KCNK13: variants seen among roughly 807,000 people sequenced by gnomAD.
KCNK13 encodes the protein potassium channel subfamily K member 13.
A neutral mutation model predicts 23.4 loss-of-function variants in KCNK13; 12 were observed. That is an observed-to-expected ratio of 0.51 (90% CI 0.33 to 0.83). The LOEUF is 0.83. Ranked by LOEUF, KCNK13 falls within the 40% of genes least tolerant of loss-of-function variation. The pLI is 0.02. For synonymous variants in KCNK13, 231 were observed against 229.5 expected (o/e 1.01, Z -0.06); for missense variants, 463 against 556.3 (o/e 0.83, Z 1.69).
At position 90,071,358 on chromosome 14, in the gene KCNK13, A is replaced by G. The variant is rs187630382; in HGVS notation, c.334+8819A>G. 3.3e-4 allele frequency among the ~76,000 whole-genome samples: 50 copies of G among 152,244 alleles called. 1 individual carries two copies. Among genetic ancestry groups the G allele is most frequent in the African/African-American group, 1.2e-3 (49 of 41,550 alleles). ...CTTAAAGAGTCTCCAATTTATAACC[A>G]AAGAAACTTCTTCCTTTTCTCCTCT... On this transcript the variant is annotated intron_variant, in intron 1 of 1. Coordinates refer to ENST00000282146, the MANE Select transcript of KCNK13 (RefSeq NM_022054.4).
intron 1 of KCNK13, among the ~76,000 whole-genome samples, chr14:90,142,578 A>G (rs1329738971): frequency 6.6e-6 from 1 of 152,102 alleles, no homozygotes; most frequent in African/African-American, 2.4e-5. Context: ...TCGGCCTCCC[A>G]AAGTGCTGGG....
chr14:90,178,047 A>G (rs1054228600), intron 1 of KCNK13, among the ~76,000 whole-genome samples: 3 of 151,924 alleles, frequency 2.0e-5, no homozygotes, highest in African/African-American at 7.3e-5. Flanking sequence ...TCCACTTAAC[A>G]TTTTCACCAG....
intron 1 of KCNK13, among the ~76,000 whole-genome samples, chr14:90,174,257 C>T (rs1890397730): frequency 6.6e-6 from 1 of 152,092 alleles, no homozygotes; most frequent in African/African-American, 2.4e-5. Flanking sequence ...TTGCAGTGAG[C>T]CGAGATTGTG....
chr14:90,112,975 G>A (rs748813763), intron 1 of KCNK13, among the ~76,000 whole-genome samples: 3 of 150,476 alleles, frequency 2.0e-5, no homozygotes, highest in Non-Finnish European at 4.4e-5. Flanking sequence ...GGGCAGTGGT[G>A]TCATCACAGC....
chr14:90,111,074 C>T (rs1036704189), intron 1 of KCNK13, among the ~76,000 whole-genome samples: 31 of 152,024 alleles, frequency 2.0e-4, no homozygotes, highest in African/African-American at 7.5e-4. Context: ...CAGGAACTCC[C>T]TGCATTAGCC....
intron 1 of KCNK13, among the ~76,000 whole-genome samples, chr14:90,125,971 G>C (rs2140419702): frequency 6.6e-6 from 1 of 150,824 alleles, no homozygotes; most frequent in South Asian, 2.1e-4. Flanking sequence ...GTTGCAGTGA[G>C]CCATGATCAT....
intron 1 of KCNK13, among the ~76,000 whole-genome samples, chr14:90,085,817 T>C (rs1217786455): frequency 2.2e-5 from 3 of 138,786 alleles, no homozygotes; most frequent in Non-Finnish European, 4.5e-5. Context: ...TTATATTATA[T>C]ATTATATATT....
At chr14:90,177,383 TA>T (rs1890434531) in intron 1 of KCNK13, 2 of 152,208 alleles carry the variant, frequency 1.3e-5, no homozygotes, top group African/African-American at 4.8e-5. Flanking sequence ...TCATTTGTGT[TA>T]TCATCACCTC....
intron 1 of KCNK13, among the ~76,000 whole-genome samples, chr14:90,156,130 G>A (rs573736435): frequency 2.0e-4 from 30 of 150,936 alleles, no homozygotes; most frequent in Middle Eastern, 3.4e-3. Context: ...ACTTGAGCCC[G>A]GTAGGTCGAG....
chr14:90,139,072 G>A (rs1216104148), intron 1 of KCNK13, among the ~76,000 whole-genome samples: 1 of 152,180 alleles, frequency 6.6e-6, no homozygotes, highest in Non-Finnish European at 1.5e-5. Context: ...AGAATCACAT[G>A]GGACCAGTGT....
chr14:90,150,562 A>G (rs1412221463), intron 1 of KCNK13, among the ~76,000 whole-genome samples: 1 of 152,240 alleles, frequency 6.6e-6, no homozygotes, highest in African/African-American at 2.4e-5. Context: ...TTGATGAGGC[A>G]AAAACCAGCC....
chr14:90,137,141 C>T (rs1889946756), intron 1 of KCNK13, among the ~76,000 whole-genome samples: 1 of 152,110 alleles, frequency 6.6e-6, no homozygotes, highest in Non-Finnish European at 1.5e-5. Context: ...AACCTTCTGC[C>T]TTCGTGGCCT....
At chr14:90,092,123 C>A (rs905164331) in intron 1 of KCNK13, among the ~76,000 whole-genome samples, 1 of 152,026 alleles carries the variant, frequency 6.6e-6, no homozygotes, top group Non-Finnish European at 1.5e-5. Flanking sequence ...GGGGTTTCAC[C>A]ATGTTAGCCA....
intron 1 of KCNK13, among the ~76,000 whole-genome samples, chr14:90,157,580 A>G (rs1277479409): frequency 6.6e-6 from 1 of 151,468 alleles, no homozygotes; most frequent in Non-Finnish European, 1.5e-5. Flanking sequence ...AATTTTTTGT[A>G]GAGACAGGGT....
At chr14:90,151,458 C>T (rs1890133505) in intron 1 of KCNK13, among the ~76,000 whole-genome samples, 1 of 152,078 alleles carries the variant, frequency 6.6e-6, no homozygotes, top group Non-Finnish European at 1.5e-5. Context: ...CTGTTCAGGT[C>T]CTTTGCCCAT....
chr14:90,088,097 G>A (rs1889302453), intron 1 of KCNK13, among the ~76,000 whole-genome samples: 1 of 152,172 alleles, frequency 6.6e-6, no homozygotes, highest in South Asian at 2.1e-4. Flanking sequence ...CCACCTCCTG[G>A]GTTTAAGCGG....
intron 1 of KCNK13, among the ~76,000 whole-genome samples, chr14:90,176,311 C>T (rs1000854195): frequency 6.6e-6 from 1 of 152,064 alleles, no homozygotes; most frequent in Non-Finnish European, 1.5e-5. Flanking sequence ...GAAGTCTGTC[C>T]AGCTTTGAGA....
chr14:90,119,505 T>C (rs58194052), intron 1 of KCNK13, among the ~76,000 whole-genome samples: 2 of 152,314 alleles, frequency 1.3e-5, no homozygotes, highest in African/African-American at 4.8e-5. Context: ...AATCAATAAA[T>C]AATCATCACA....
At chr14:90,150,444 C>G (rs1306390715) in intron 1 of KCNK13, among the ~76,000 whole-genome samples, 1 of 152,024 alleles carries the variant, frequency 6.6e-6, no homozygotes, top group Non-Finnish European at 1.5e-5. Flanking sequence ...GAGACCCTGT[C>G]CAGACAAAAA....
Sources: gnomAD v4.1 joint callset for allele counts (sites outside exome capture counted in the v4.1 genomes callset) on GRCh38, gnomAD v4.1.1 for gene constraint, MANE v1.5 for transcripts, NCBI Gene and HGNC (gene_info 2026-07-23, HGNC 2026-07-21) for gene names.